The following ASTN2 variants were observed in gnomAD, a reference collection of about 807,000 sequenced individuals.
ASTN2 encodes astrotactin-2.
In ASTN2, 54 loss-of-function variants were observed where a neutral mutation model predicts 139.8. The ratio of observed to expected loss-of-function variants is 0.39; its 90% CI spans 0.31 to 0.48. The LOEUF (loss-of-function observed/expected upper bound fraction) is 0.48. Among genes scored for constraint, ASTN2 ranks in the 20% least tolerant of loss-of-function variants. The pLI is 0.95. For synonymous variants in ASTN2, 756 were observed against 719.5 expected (o/e 1.05, Z -0.81); for missense variants, 1,565 against 1,725.1 (o/e 0.91, Z 1.64).
chr9:116,511,767 C>G (rs1373099197), intron 19 of ASTN2, among the ~76,000 whole-genome samples: 5 of 152,076 alleles, frequency 3.3e-5, no homozygotes, highest in Non-Finnish European at 7.4e-5. Flanking sequence ...TCCATTTCTT[C>G]TAGATTTTCT....
intron 3 of ASTN2, among the ~76,000 whole-genome samples, chr9:117,151,338 G>T (rs1445835195): frequency 6.6e-6 from 1 of 152,078 alleles, no homozygotes. Context: ...TCAGAGGAAG[G>T]CCACATCATA....
intron 17 of ASTN2, among the ~76,000 whole-genome samples, chr9:116,639,872 T>C (rs1857247322): frequency 6.6e-6 from 1 of 152,216 alleles, no homozygotes; most frequent in South Asian, 2.1e-4. Context: ...GAAAACACCA[T>C]GAAAGAGTGT....
At position 117,128,371 on chromosome 9, in the gene ASTN2, C is replaced by CAAA. The variant is rs1167187783; in HGVS notation, c.1168+12952_1168+12954dup. Among the ~76,000 whole-genome samples the CAAA allele has an allele frequency of 5.3e-4, 35 of 66,444 alleles. 1 individual carries two copies. The highest frequency in any genetic ancestry group is 1.7e-3 in the African/African-American group (29 of 17,030). 43.6% of individuals were successfully genotyped at this position (66,444 alleles called of 152,430 possible). ...CTGGTGACAGAGTGAGACACTGTCTCAAAAAAAAAAAAAAAAAAAAAAAAA... is the reference window on the plus strand; with the variant it reads ...CTGGTGACAGAGTGAGACACTGTCTCAAAAAAAAAAAAAAAAAAAAAAAAAAAA... On this transcript the variant is annotated intron_variant, in intron 4 of 22. Coordinates refer to ENST00000313400, the MANE Select transcript of ASTN2 (RefSeq NM_001365068.1).
intron 16 of ASTN2, among the ~76,000 whole-genome samples, chr9:116,696,950 T>TG (rs1860888387): frequency 7.3e-6 from 1 of 137,124 alleles, no homozygotes; most frequent in Admixed American, 7.3e-5. Context: ...GTGACATGAT[T>TG]AAAAAAAAAA....
chr9:117,174,218 T>A (rs1365409479), intron 3 of ASTN2, among the ~76,000 whole-genome samples: 1 of 151,870 alleles, frequency 6.6e-6, no homozygotes, highest in African/African-American at 2.4e-5. Context: ...TTATCACAGG[T>A]ATACAAACAC....
chr9:116,632,513 GCACA>G (rs1234407082), intron 17 of ASTN2, among the ~76,000 whole-genome samples: 1 of 151,930 alleles, frequency 6.6e-6, no homozygotes, highest in African/African-American at 2.4e-5. Context: ...TCTTAGCCTG[GCACA>G]CACAGCCTTT....
chr9:116,995,004 A>C (rs999282507), intron 7 of ASTN2, among the ~76,000 whole-genome samples: 4 of 152,218 alleles, frequency 2.6e-5, no homozygotes, highest in Non-Finnish European at 5.9e-5. Flanking sequence ...TGAGAAAAAC[A>C]GAAGTGTAGG....
chr9:117,134,132 G>A (rs1203553731), intron 4 of ASTN2, among the ~76,000 whole-genome samples: 1 of 151,758 alleles, frequency 6.6e-6, no homozygotes, highest in African/African-American at 2.4e-5. Context: ...AGAAACAAAG[G>A]AAGATCAATC....
Position 116,608,583 on chromosome 9 carries a change from T to A in ASTN2, c.3355+9741A>T, listed in dbSNP as rs527826664. On this transcript the variant is annotated intron_variant, in intron 19 of 22. Transcript: ENST00000313400. ...TTTTGAACTCTTTTGAACAAAAGAG[T>A]TTGAACAAAATATTTTGAACAAAAG... is the stretch of plus-strand genomic sequence containing the variant. Among the ~76,000 whole-genome samples, 927 of 151,866 alleles carry A rather than the reference T, an allele frequency of 6.1e-3. 11 individuals are homozygous for A. Among genetic ancestry groups the A allele is most frequent in the Middle Eastern group, 0.017 (5 of 294 alleles).
intron 7 of ASTN2, among the ~76,000 whole-genome samples, chr9:116,989,505 T>C (rs1248852197): frequency 6.6e-6 from 1 of 152,058 alleles, no homozygotes; most frequent in African/African-American, 2.4e-5. Flanking sequence ...TCTGGAATAT[T>C]ATACCATTTT....
intron 13 of ASTN2, among the ~76,000 whole-genome samples, chr9:116,753,697 G>A (rs1428579937): frequency 1.3e-5 from 2 of 152,044 alleles, no homozygotes; most frequent in Non-Finnish European, 2.9e-5. Context: ...CTTAATAATA[G>A]CATGCATAGT....
chr9:117,200,909 A>G (rs1288427395), intron 3 of ASTN2, among the ~76,000 whole-genome samples: 3 of 149,486 alleles, frequency 2.0e-5, no homozygotes, highest in Non-Finnish European at 4.4e-5. Flanking sequence ...CTCCTTTTCA[A>G]TTGTTTGGAA....
At chr9:116,528,795 G>A (rs982288657) in intron 19 of ASTN2, among the ~76,000 whole-genome samples, 9 of 152,090 alleles carry the variant, frequency 5.9e-5, no homozygotes, top group Admixed American at 1.3e-4. Flanking sequence ...AGGGGCCAAG[G>A]TATAGCTTAG....
chr9:116,924,732 C>T (rs769633204), intron 10 of ASTN2, among the ~76,000 whole-genome samples: 1 of 152,196 alleles, frequency 6.6e-6, no homozygotes, highest in South Asian at 2.1e-4. Context: ...GTGAGGATGA[C>T]CAGAGGTCAC....
intron 1 of ASTN2, among the ~76,000 whole-genome samples, chr9:117,392,450 T>C (rs1830565899): frequency 6.6e-6 from 1 of 152,186 alleles, no homozygotes; most frequent in Admixed American, 6.5e-5. Context: ...TGGTCTTCTT[T>C]TCTCTTTCTT....
intron 22 of ASTN2, among the ~76,000 whole-genome samples, chr9:116,439,508 A>G (rs189696743): frequency 2.0e-5 from 3 of 152,112 alleles, no homozygotes; most frequent in African/African-American, 4.8e-5. Context: ...CCTCAAATAC[A>G]TTTTTAATAA....
At chr9:117,181,527 A>G (rs1165658538) in intron 3 of ASTN2, among the ~76,000 whole-genome samples, 2 of 152,164 alleles carry the variant, frequency 1.3e-5, no homozygotes, top group Non-Finnish European at 2.9e-5. Context: ...CCGAGTGAAC[A>G]ATACAAGACT....
At chr9:116,990,007 T>C (rs1490815615) in intron 7 of ASTN2, among the ~76,000 whole-genome samples, 1 of 152,230 alleles carries the variant, frequency 6.6e-6, no homozygotes, top group Non-Finnish European at 1.5e-5. Flanking sequence ...TCTTTACTAT[T>C]TGTCTTTCTC....
intron 19 of ASTN2, among the ~76,000 whole-genome samples, chr9:116,488,010 T>C (rs1185158986): frequency 6.6e-6 from 1 of 152,148 alleles, no homozygotes; most frequent in East Asian, 1.9e-4. Context: ...TATAGTGAGA[T>C]GGACAGAGAC....
Sources: gnomAD v4.1 joint callset for allele counts (sites outside exome capture counted in the v4.1 genomes callset) on GRCh38, gnomAD v4.1.1 for gene constraint, MANE v1.5 for transcripts, NCBI Gene and HGNC (gene_info 2026-07-23, HGNC 2026-07-21) for gene names.